Variants in KIAA1328 observed in about 807,000 individuals in gnomAD.
The protein encoded by KIAA1328 is protein hinderin.
In KIAA1328, 52 loss-of-function variants were observed where a neutral mutation model predicts 68.1. The ratio of observed to expected loss-of-function variants is 0.76; its 90% CI spans 0.61 to 0.96. KIAA1328 has a LOEUF of 0.96. Ranked by LOEUF, KIAA1328 falls within the 40% of genes least tolerant of loss-of-function variation. KIAA1328 has a pLI of 0.00. For synonymous variants in KIAA1328, 232 were observed against 239.4 expected, an observed-to-expected ratio of 0.97 and a Z score of 0.28; for missense variants, 641 against 677.6, an observed-to-expected ratio of 0.95 and a Z score of 0.60.
At chr18:36,963,671 A>C (rs1014360576) in intron 6 of KIAA1328, among the ~76,000 whole-genome samples, 1 of 152,124 alleles carries the variant, frequency 6.6e-6, no homozygotes, top group African/African-American at 2.4e-5. Flanking sequence ...ACACTGACCT[A>C]ATTCTCTTCC....
intron 5 of KIAA1328, among the ~76,000 whole-genome samples, chr18:36,949,597 T>TCCCCCCCCCCCCCCCC (rs71168248): frequency 1.4e-4 from 8 of 57,360 alleles, no homozygotes; most frequent in Admixed American, 2.2e-4. Context: ...TCTACCCAGC[T>TCCCCCCCCCCCCCCCC]CCCCCCCCCC....
chr18:36,836,181 A>AT (rs2150771661), intron 3 of KIAA1328, among the ~76,000 whole-genome samples: 1 of 152,198 alleles, frequency 6.6e-6, no homozygotes, highest in South Asian at 2.1e-4. Context: ...TTACTACAGG[A>AT]TTTTACTGTG....
At chr18:36,971,980 A>G (rs1194324098) in intron 6 of KIAA1328, among the ~76,000 whole-genome samples, 1 of 152,158 alleles carries the variant, frequency 6.6e-6, no homozygotes, top group Non-Finnish European at 1.5e-5. Flanking sequence ...TATATAACAA[A>G]CCTGCATATG....
intron 6 of KIAA1328, among the ~76,000 whole-genome samples, chr18:36,995,193 T>A (rs546592275): frequency 2.0e-4 from 31 of 152,128 alleles, no homozygotes; most frequent in African/African-American, 7.0e-4. Flanking sequence ...CACTTATGAG[T>A]GAGAACAGGC....
At chr18:37,163,709 T>C (rs1304106253) in intron 8 of KIAA1328, among the ~76,000 whole-genome samples, 1 of 152,160 alleles carries the variant, frequency 6.6e-6, no homozygotes, top group Non-Finnish European at 1.5e-5. Flanking sequence ...CTTAAAGAAA[T>C]GAACAATTGG....
At chr18:37,201,486 C>T (rs1393336832) in intron 9 of KIAA1328, among the ~76,000 whole-genome samples, 1 of 152,056 alleles carries the variant, frequency 6.6e-6, no homozygotes, top group African/African-American at 2.4e-5. Flanking sequence ...TTTTCTCTCT[C>T]CAGTTCCCCT....
At chr18:37,186,459 C>T (rs150489735) in intron 9 of KIAA1328, among the ~76,000 whole-genome samples, 4,284 of 146,706 alleles carry the variant, frequency 0.029, 83 homozygotes, top group Middle Eastern at 0.068. Context: ...CCCAGCTACT[C>T]GGGAGGCTGA....
At chr18:36,839,169 T>C (rs550420162) in intron 3 of KIAA1328, among the ~76,000 whole-genome samples, 1 of 152,346 alleles carries the variant, frequency 6.6e-6, no homozygotes, top group South Asian at 2.1e-4. Context: ...TCCCTCTCTT[T>C]CTAGTGACCT....
intron 8 of KIAA1328, among the ~76,000 whole-genome samples, chr18:37,165,814 A>G (rs974089991): frequency 2.6e-5 from 4 of 151,852 alleles, no homozygotes; most frequent in Admixed American, 2.0e-4. Flanking sequence ...GCTGGTCTCA[A>G]ACTCCTGACC....
At chr18:36,959,502 T>C in intron 6 of KIAA1328, 67 bp downstream of exon 6, 1 of 1,498,736 alleles carries the variant, frequency 6.7e-7, no homozygotes, top group Non-Finnish European at 9.0e-7. Flanking sequence ...GAGCCATTTG[T>C]TTTTTATCTT....
intron 4 of KIAA1328, among the ~76,000 whole-genome samples, chr18:36,848,541 C>CTTTTTTTTTTTTTTTTTTTTTTTTTTTT (rs59271370): frequency 2.6e-5 from 1 of 38,144 alleles, no homozygotes; most frequent in Admixed American, 3.6e-4. Context: ...TCTATAGATG[C>CTTTTTTTTTTTTTTTTTTTTTTTTTTTT]TTTTTTTTTT....
chr18:37,222,007 T>A lies in KIAA1328; in HGVS notation c.1524-10T>A. ...CTGATCCTTTCCTGTCTGGGTTATA[T>A]GTCTTACAGGTATGAGACATCTTTG... On this transcript the variant is annotated splice_polypyrimidine_tract_variant and intron_variant, in intron 9 of 9. Transcript: ENST00000280020. 1 of 1,612,320 alleles carries A rather than the reference T, an allele frequency of 6.2e-7. No homozygotes were observed. Among genetic ancestry groups the A allele is most frequent in the Non-Finnish European group, 8.5e-7 (1 of 1,179,016 alleles).
chr18:37,055,531 G>T (rs1423354213), intron 6 of KIAA1328, among the ~76,000 whole-genome samples: 1 of 152,134 alleles, frequency 6.6e-6, no homozygotes, highest in East Asian at 1.9e-4. Flanking sequence ...ACATTTATTT[G>T]GGATGAGACT....
chr18:37,215,518 AG>A (rs2060412431), intron 9 of KIAA1328, among the ~76,000 whole-genome samples: 2 of 152,190 alleles, frequency 1.3e-5, no homozygotes. Flanking sequence ...GTGGTGGATA[AG>A]CTTTTTGATG....
At chr18:37,227,163 G>T (rs971441937), downstream of KIAA1328, among the ~76,000 whole-genome samples, 1 of 152,210 alleles carries the variant, frequency 6.6e-6, no homozygotes, top group Non-Finnish European at 1.5e-5. Flanking sequence ...TGAGAGAGAT[G>T]AAGTTATAGA....
chr18:37,012,949 A>C (rs2054026009), intron 6 of KIAA1328, among the ~76,000 whole-genome samples: 2 of 152,200 alleles, frequency 1.3e-5, no homozygotes, highest in South Asian at 4.1e-4. Flanking sequence ...ACTCAGTGGA[A>C]TATCAAAGGC....
intron 5 of KIAA1328, among the ~76,000 whole-genome samples, chr18:36,940,682 T>G (rs1475425479): frequency 6.7e-6 from 1 of 149,838 alleles, no homozygotes; most frequent in Non-Finnish European, 1.5e-5. Flanking sequence ...TACTTTTTTT[T>G]TTTTTTTTTT....
At chr18:37,056,047 A>C (rs986510724) in intron 6 of KIAA1328, among the ~76,000 whole-genome samples, 1 of 152,218 alleles carries the variant, frequency 6.6e-6, no homozygotes, top group African/African-American at 2.4e-5. Context: ...GAGACTGACC[A>C]GGCCTATAAA....
rs539943731 is a variant in KIAA1328 at position 36,842,099 on chromosome 18, T to C, written c.238-2109T>C. Among the ~76,000 whole-genome samples the C allele has an allele frequency of 3.9e-5, 6 of 152,286 alleles. No individual in the cohort carries two copies. In the South Asian group the frequency reaches 1.2e-3, roughly 32 times the overall value. The stretch of plus-strand genomic sequence containing the variant: ...AACCAAAAAGGCAAAAAGGGAACAT[T>C]AAAGTATCATGAAAGTAGTAACTAT... On this transcript the variant is annotated intron_variant, in intron 3 of 9. Coordinates refer to ENST00000280020, the MANE Select transcript of KIAA1328 (RefSeq NM_020776.3).
Sources: allele counts gnomAD v4.1 joint callset (sites outside exome capture counted in the v4.1 genomes callset), GRCh38; gene constraint gnomAD v4.1.1; transcripts MANE v1.5; gene names NCBI Gene and HGNC (gene_info 2026-07-23, HGNC 2026-07-21).